Variants in ZNF385B observed in about 807,000 individuals in gnomAD.
ZNF385B encodes zinc finger protein 385B.
In ZNF385B, 23 loss-of-function variants were observed where a neutral mutation model predicts 39.2. The observed-to-expected ratio is 0.59, with a 90% CI of 0.42 to 0.83. The LOEUF (loss-of-function observed/expected upper bound fraction) is 0.83. Ranked by LOEUF, ZNF385B falls within the 40% of genes least tolerant of loss-of-function variation. The pLI, the probability that ZNF385B is intolerant of heterozygous loss-of-function variation, is 0.00. For missense variants in ZNF385B, 552 were observed against 598.9 expected (o/e 0.92, Z 0.82); for synonymous variants, 205 against 222.6 (o/e 0.92, Z 0.70).
intron 5 of ZNF385B, among the ~76,000 whole-genome samples, chr2:179,491,658 A>T (rs1387117033): frequency 6.6e-6 from 1 of 152,172 alleles, no homozygotes; most frequent in Non-Finnish European, 1.5e-5. Context: ...ACCTTTAGAG[A>T]TTTAATAAAA....
chr2:179,832,352 CA>C (rs1278975088), intron 1 of ZNF385B, among the ~76,000 whole-genome samples: 1 of 152,140 alleles, frequency 6.6e-6, no homozygotes, highest in African/African-American at 2.4e-5. Flanking sequence ...GGAAAGCAAT[CA>C]GATTAAAATG....
At chr2:179,755,272 T>C (rs1490506826) in intron 3 of ZNF385B, among the ~76,000 whole-genome samples, 1 of 152,240 alleles carries the variant, frequency 6.6e-6, no homozygotes, top group Non-Finnish European at 1.5e-5. Flanking sequence ...TGAATTCTAG[T>C]TTGATTGCAC....
rs544996691 is a variant in ZNF385B at position 179,601,595 on chromosome 2, C to T, written c.299-56626G>A. On this transcript the variant is annotated intron_variant, in intron 3 of 9. Transcript: ENST00000410066. ...TAAAAACTAATCTTGCCTTGTGCCC[C>T]AGTGACTTGAAGAATCCTTCACTTT... is the stretch of plus-strand genomic sequence containing the variant. 1.4e-4 allele frequency among the ~76,000 whole-genome samples: 21 copies of T among 152,230 alleles called. No homozygotes were observed. The East Asian group carries it at 3.9e-3, about 28-fold the overall frequency.
chr2:179,484,316 C>T (rs2054328226), intron 5 of ZNF385B, among the ~76,000 whole-genome samples: 1 of 151,264 alleles, frequency 6.6e-6, no homozygotes, highest in African/African-American at 2.4e-5. Context: ...AATATATTCA[C>T]TTGAATTGAA....
intron 3 of ZNF385B, among the ~76,000 whole-genome samples, chr2:179,665,028 T>C (rs1288709436): frequency 6.6e-6 from 1 of 152,200 alleles, no homozygotes; most frequent in Non-Finnish European, 1.5e-5. Context: ...TAATCCCATT[T>C]AAAAACTTTA....
chr2:179,510,669 TA>T (rs1198278719), intron 5 of ZNF385B, among the ~76,000 whole-genome samples: 2 of 151,288 alleles, frequency 1.3e-5, no homozygotes, highest in East Asian at 1.9e-4. Flanking sequence ...GTTGTTAAGC[TA>T]AAAAAACTTC....
At chr2:179,632,837 T>A (rs1691364838) in intron 3 of ZNF385B, among the ~76,000 whole-genome samples, 1 of 151,618 alleles carries the variant, frequency 6.6e-6, no homozygotes, top group Non-Finnish European at 1.5e-5. Flanking sequence ...GAGAGAAGAA[T>A]CAAATAGACA....
intron 5 of ZNF385B, among the ~76,000 whole-genome samples, chr2:179,493,763 G>GTAGACATATGTGTA (rs2055762241): frequency 1.2e-5 from 1 of 85,356 alleles, no homozygotes; most frequent in Non-Finnish European, 2.6e-5. Context: ...ATACATATAT[G>GTAGACATATGTGTA]TATACATATA....
chr2:179,781,474 C>A (rs1704660273), intron 1 of ZNF385B, among the ~76,000 whole-genome samples: 2 of 152,162 alleles, frequency 1.3e-5, no homozygotes, highest in South Asian at 2.1e-4. Context: ...TTATCTTGAT[C>A]TTTACCTTCA....
chr2:179,777,142 G>A (rs1236533529), intron 1 of ZNF385B, among the ~76,000 whole-genome samples: 1 of 151,150 alleles, frequency 6.6e-6, no homozygotes, highest in Non-Finnish European at 1.5e-5. Flanking sequence ...GATCATCAAA[G>A]TATCTCAAGT....
At chr2:179,771,641 T>C (rs959927397) in intron 1 of ZNF385B, among the ~76,000 whole-genome samples, 3 of 152,228 alleles carry the variant, frequency 2.0e-5, no homozygotes, top group Non-Finnish European at 4.4e-5. Flanking sequence ...ATTTTTGCTT[T>C]TATTCTTTAA....
At chr2:179,605,232 A>G (rs1200153417) in intron 3 of ZNF385B, among the ~76,000 whole-genome samples, 1 of 152,146 alleles carries the variant, frequency 6.6e-6, no homozygotes, top group African/African-American at 2.4e-5. Flanking sequence ...TAGATTCACT[A>G]GAAACATGAT....
At position 179,578,296 on chromosome 2, in the gene ZNF385B, A is replaced by G. The variant is rs548816813; in HGVS notation, c.299-33327T>C. ...TAAGAGGTAGTTGGGAAAAGAAAAC[A>G]AATATGTTACAAGGGCAATAAATGA... On this transcript the variant is annotated intron_variant, in intron 3 of 9. Transcript: ENST00000410066. Among the ~76,000 whole-genome samples, 362 of 152,262 alleles carry G rather than the reference A, an allele frequency of 2.4e-3. 2 individuals are homozygous for G. Among genetic ancestry groups the G allele is most frequent in the African/African-American group, 8.4e-3 (348 of 41,578 alleles).
At chr2:179,710,184 C>T (rs1357429693) in intron 3 of ZNF385B, among the ~76,000 whole-genome samples, 4 of 152,138 alleles carry the variant, frequency 2.6e-5, no homozygotes. Flanking sequence ...GATGAACATG[C>T]ATGTCTCATC....
At chr2:179,854,112 A>T (rs980536428) in intron 1 of ZNF385B, among the ~76,000 whole-genome samples, 3 of 152,166 alleles carry the variant, frequency 2.0e-5, no homozygotes, top group Admixed American at 1.3e-4. Context: ...AAACAATGGC[A>T]TTTTTGTGCT....
At chr2:179,502,255 A>G (rs984747114) in intron 5 of ZNF385B, among the ~76,000 whole-genome samples, 1 of 152,208 alleles carries the variant, frequency 6.6e-6, no homozygotes, top group African/African-American at 2.4e-5. Flanking sequence ...AATTAACGCT[A>G]GAGTGAGTTA....
chr2:179,822,720 C>A (rs1198527050), intron 1 of ZNF385B, among the ~76,000 whole-genome samples: 2 of 152,132 alleles, frequency 1.3e-5, no homozygotes, highest in East Asian at 3.9e-4. Flanking sequence ...GGCCAAAGAG[C>A]CCAGATCATT....
intron 4 of ZNF385B, among the ~76,000 whole-genome samples, chr2:179,522,583 C>T (rs1348736538): frequency 6.6e-6 from 1 of 152,112 alleles, no homozygotes; most frequent in Non-Finnish European, 1.5e-5. Context: ...ACTGGAGGTA[C>T]TGCAACTACA....
chr2:179,722,417 T>C (rs929268524), intron 3 of ZNF385B, among the ~76,000 whole-genome samples: 2 of 152,204 alleles, frequency 1.3e-5, no homozygotes, highest in African/African-American at 4.8e-5. Context: ...TGGAATGGAA[T>C]AGAGTATAAA....
Sources: gnomAD v4.1 joint callset for allele counts (sites outside exome capture counted in the v4.1 genomes callset) on GRCh38, gnomAD v4.1.1 for gene constraint, MANE v1.5 for transcripts, NCBI Gene and HGNC (gene_info 2026-07-23, HGNC 2026-07-21) for gene names.